The following HDAC9 variants were observed in gnomAD, a reference collection of about 807,000 sequenced individuals.
The protein encoded by HDAC9 is histone deacetylase 9, also known as MEF-2 interacting transcription repressor (MITR) protein.
HDAC9 carries 41 observed loss-of-function variants against 139.4 expected under a neutral mutation model. The ratio of observed to expected loss-of-function variants is 0.29; its 90% CI spans 0.23 to 0.38. HDAC9 has a LOEUF of 0.38. Ranked by LOEUF, HDAC9 falls within the 10% of genes least tolerant of loss-of-function variation. The pLI, the probability that HDAC9 is intolerant of heterozygous loss-of-function variation, is 1.00. For synonymous variants in HDAC9, 517 were observed against 476.2 expected, an observed-to-expected ratio of 1.09 and a Z score of -1.12; for missense variants, 1,147 against 1,297.0, an observed-to-expected ratio of 0.88 and a Z score of 1.78.
intron 2 of HDAC9, among the ~76,000 whole-genome samples, chr7:18,257,201 G>A (rs1291051868): frequency 6.6e-6 from 1 of 151,434 alleles, no homozygotes; most frequent in Non-Finnish European, 1.5e-5. Flanking sequence ...TGGGTCAGGT[G>A]TGGTGGTTCA....
At chr7:18,528,538 T>C (rs558318237) in intron 2 of HDAC9, among the ~76,000 whole-genome samples, 5 of 152,286 alleles carry the variant, frequency 3.3e-5, no homozygotes, top group Admixed American at 6.5e-5. Context: ...TTCTCTTCTT[T>C]GCCACTTTAC....
At chr7:18,514,666 G>A (rs1482399588) in intron 2 of HDAC9, among the ~76,000 whole-genome samples, 3 of 152,148 alleles carry the variant, frequency 2.0e-5, no homozygotes, top group Non-Finnish European at 4.4e-5. Flanking sequence ...TTGGCTGTGT[G>A]CTGTGGCCCA....
intron 2 of HDAC9, among the ~76,000 whole-genome samples, chr7:18,556,202 G>T (rs1432189136): frequency 1.3e-5 from 2 of 152,058 alleles, no homozygotes; most frequent in Non-Finnish European, 2.9e-5. Flanking sequence ...AATATGTGTT[G>T]GGAGGGGTTT....
intron 2 of HDAC9, among the ~76,000 whole-genome samples, chr7:18,189,351 G>A (rs1274232919): frequency 6.6e-6 from 1 of 152,016 alleles, no homozygotes; most frequent in East Asian, 1.9e-4. Flanking sequence ...GAGGGGTGGG[G>A]GGTGAGGGGA....
At chr7:18,790,345 T>A (rs1376951147) in intron 16 of HDAC9, among the ~76,000 whole-genome samples, 4 of 152,202 alleles carry the variant, frequency 2.6e-5, no homozygotes, top group Non-Finnish European at 5.9e-5. Context: ...CATAAGGTAC[T>A]GTGTGCTAAT....
intron 22 of HDAC9, among the ~76,000 whole-genome samples, chr7:18,918,490 C>G (rs141249629): frequency 6.6e-6 from 1 of 152,108 alleles, no homozygotes; most frequent in Non-Finnish European, 1.5e-5. Flanking sequence ...ATTTTTATAG[C>G]TTTTATTACT....
chr7:18,386,850 C>T (rs1163542477), intron 1 of HDAC9, among the ~76,000 whole-genome samples: 2 of 152,190 alleles, frequency 1.3e-5, no homozygotes, highest in Admixed American at 1.3e-4. Context: ...TTAGTCTGGT[C>T]TCTTGGGATA....
At chr7:18,581,967 A>G (rs544561349) in intron 2 of HDAC9, among the ~76,000 whole-genome samples, 17 of 152,214 alleles carry the variant, frequency 1.1e-4, no homozygotes, top group Non-Finnish European at 2.5e-4. Context: ...AGTACCATCA[A>G]TGCAAACTTC....
At chr7:18,508,054 T>C (rs1011035000) in intron 2 of HDAC9, among the ~76,000 whole-genome samples, 5 of 152,158 alleles carry the variant, frequency 3.3e-5, no homozygotes, top group Admixed American at 6.5e-5. Flanking sequence ...CAAAACTGTT[T>C]TAAGAACCAA....
chr7:18,807,766 T>C (rs1295416115), intron 17 of HDAC9, among the ~76,000 whole-genome samples: 5 of 152,220 alleles, frequency 3.3e-5, no homozygotes, highest in Non-Finnish European at 7.3e-5. Flanking sequence ...CCTAGTTTCA[T>C]ACTCTTGTGG....
At chr7:18,314,285 C>T (rs2128628388) in intron 1 of HDAC9, among the ~76,000 whole-genome samples, 1 of 152,298 alleles carries the variant, frequency 6.6e-6, no homozygotes, top group South Asian at 2.1e-4. Context: ...GGGATAGTGT[C>T]CCATTTGCAG....
intron 1 of HDAC9, among the ~76,000 whole-genome samples, chr7:18,473,373 A>G (rs1794873111): frequency 6.6e-6 from 1 of 152,224 alleles, no homozygotes; most frequent in Non-Finnish European, 1.5e-5. Flanking sequence ...TTCTTTTATG[A>G]AACCCAGCCT....
chr7:18,276,802 G>A (rs1796753970), intron 2 of HDAC9, among the ~76,000 whole-genome samples: 2 of 152,156 alleles, frequency 1.3e-5, no homozygotes, highest in African/African-American at 4.8e-5. Flanking sequence ...ATTTTAGCCT[G>A]TCTAATATTT....
At chr7:18,322,808 A>G (rs956780218) in intron 1 of HDAC9, among the ~76,000 whole-genome samples, 1 of 152,174 alleles carries the variant, frequency 6.6e-6, no homozygotes, top group Non-Finnish European at 1.5e-5. Flanking sequence ...TTCAAGATGA[A>G]GAAAGAAGCA....
At chr7:18,774,399 T>C (rs1051143465) in intron 16 of HDAC9, among the ~76,000 whole-genome samples, 1 of 152,020 alleles carries the variant, frequency 6.6e-6, no homozygotes, top group Non-Finnish European at 1.5e-5. Context: ...CACACAGACA[T>C]ACCTTGGAAA....
At chr7:18,911,274 CA>C (rs1802715663) in intron 22 of HDAC9, among the ~76,000 whole-genome samples, 2 of 150,824 alleles carry the variant, frequency 1.3e-5, no homozygotes, top group Admixed American at 1.3e-4. Context: ...CATAGTTGTA[CA>C]GTTGGTGTCA....
chr7:18,375,481 A>C (rs1562930882), intron 1 of HDAC9, among the ~76,000 whole-genome samples: 1 of 142,420 alleles, frequency 7.0e-6, no homozygotes. Flanking sequence ...AACAACAACA[A>C]CAACAAAAAA....
intron 12 of HDAC9, among the ~76,000 whole-genome samples, chr7:18,700,783 G>A (rs557110181): frequency 2.0e-5 from 3 of 152,290 alleles, no homozygotes; most frequent in East Asian, 3.9e-4. Flanking sequence ...ACTAGCCTTA[G>A]TGTGCTCACA....
rs1038395898 is a variant in HDAC9 at position 18,443,371 on chromosome 7, T to G, written c.-41-52891T>G. Among the ~76,000 whole-genome samples the G allele has an allele frequency of 2.6e-5, 4 of 152,338 alleles. No individual in the cohort carries two copies. The East Asian group carries it at 7.7e-4, about 29-fold the overall frequency. On this transcript the variant is annotated intron_variant, in intron 1 of 3. Transcript: ENST00000413509. ...ACACCAAAGAAGACCAATGGGTAAG[T>G]AGTCTCACCTCTCTTGTAAATACCA...
Sources: gnomAD v4.1 joint callset for allele counts (sites outside exome capture counted in the v4.1 genomes callset) on GRCh38, gnomAD v4.1.1 for gene constraint, MANE v1.5 for transcripts, NCBI Gene and HGNC (gene_info 2026-07-23, HGNC 2026-07-21) for gene names.